The following GRIP1 variants were observed in gnomAD, a reference collection of about 807,000 sequenced individuals.
The protein encoded by GRIP1 is glutamate receptor-interacting protein 1.
GRIP1 carries 45 observed loss-of-function variants against 129.9 expected under a neutral mutation model. The ratio of observed to expected loss-of-function variants is 0.35; its 90% CI spans 0.27 to 0.44. GRIP1 has a LOEUF of 0.44. Ranked by LOEUF, GRIP1 falls within the 20% of genes least tolerant of loss-of-function variation. The pLI is 1.00. For missense variants in GRIP1, 1,196 were observed against 1,396.8 expected (o/e 0.86, Z 2.29); for synonymous variants, 530 against 520.8 (o/e 1.02, Z -0.24).
In GRIP1 at chr12:66,643,453, G is replaced by T. The variant is rs368894855; in HGVS notation, c.55+35397C>A. On this transcript the variant is annotated intron_variant, in intron 1 of 24. Coordinates refer to ENST00000359742, the MANE Select transcript of GRIP1 (RefSeq NM_001366722.1). ...ATGATAGTCACAAATATCAGTACAT[G>T]AATAAACAAGGTTATAGCATAGTGG... Among the ~76,000 whole-genome samples, 84 of 152,212 alleles carry T rather than the reference G, an allele frequency of 5.5e-4. 3 individuals carry two copies. The South Asian group carries it at 0.017, about 31-fold the overall frequency.
intron 4 of GRIP1, among the ~76,000 whole-genome samples, chr12:66,536,186 T>C (rs575603197): frequency 3.3e-5 from 5 of 152,312 alleles, no homozygotes; most frequent in Admixed American, 2.0e-4. Flanking sequence ...ATCTCTCACA[T>C]GGATCACTGT....
At chr12:66,991,816 T>G (rs1252645001) in intron 1 of GRIP1, among the ~76,000 whole-genome samples, 1 of 152,210 alleles carries the variant, frequency 6.6e-6, no homozygotes, top group Non-Finnish European at 1.5e-5. Context: ...ACCCTGGCAT[T>G]TGTCAAACTG....
rs192530099 is a variant in GRIP1, at chr12:66,758,550, T to C, written c.-420+45503A>G. 2.8e-3 allele frequency among the ~76,000 whole-genome samples: 424 copies of C among 152,274 alleles called. 1 individual carries two copies. The highest frequency in any genetic ancestry group is 9.7e-3 in the African/African-American group (405 of 41,552). ...GCTTTCCCAACAGTCCTCCAAAGTC[T>C]TAACTCATCTCAGCATTAACCCAAA... On this transcript the variant is annotated intron_variant, in intron 1 of 4. Transcript: ENST00000538373.
At chr12:66,747,430 A>C (rs1465731945) in intron 1 of GRIP1, among the ~76,000 whole-genome samples, 1 of 152,222 alleles carries the variant, frequency 6.6e-6, no homozygotes, top group African/African-American at 2.4e-5. Context: ...CTTGACAGAG[A>C]CTCAAAATGT....
intron 1 of GRIP1, among the ~76,000 whole-genome samples, chr12:66,698,903 T>C (rs2035255681): frequency 6.6e-6 from 1 of 152,190 alleles, no homozygotes; most frequent in African/African-American, 2.4e-5. Flanking sequence ...CATATTTTCA[T>C]AAGTGGGGAA....
intron 7 of GRIP1, among the ~76,000 whole-genome samples, chr12:66,515,011 C>T (rs528115153): frequency 2.6e-5 from 4 of 152,114 alleles, no homozygotes; most frequent in East Asian, 1.9e-4. Flanking sequence ...TTAAGATCCA[C>T]ATGAGAATAT....
chr12:66,759,647 G>C (rs891639174), intron 1 of GRIP1, among the ~76,000 whole-genome samples: 2 of 152,118 alleles, frequency 1.3e-5, no homozygotes, highest in Non-Finnish European at 2.9e-5. Flanking sequence ...CCTTTTGAAT[G>C]CTTTGCTGCT....
intron 7 of GRIP1, among the ~76,000 whole-genome samples, chr12:66,495,324 G>A (rs972246210): frequency 6.6e-6 from 1 of 152,208 alleles, no homozygotes; most frequent in African/African-American, 2.4e-5. Flanking sequence ...AGGGCGAGCA[G>A]GAGGGAGCCA....
chr12:67,054,780 C>CA lies in GRIP1; in HGVS notation c.58+14269dup, dbSNP rs2043407149. Among the ~76,000 whole-genome samples the CA allele has an allele frequency of 2.0e-5, 3 of 148,596 alleles. No individual in the cohort carries two copies. The South Asian group carries it at 6.4e-4, about 32-fold the overall frequency. ...CAGTATTGAAAAAAAAAAAAAAAGT[C>CA]AAACCCTATAGTACTCCAATATGTA... On this transcript the variant is annotated intron_variant, in intron 1 of 1. Transcript: ENST00000643019.
intron 1 of GRIP1, among the ~76,000 whole-genome samples, chr12:66,999,136 T>C (rs1257189184): frequency 3.3e-5 from 5 of 152,190 alleles, no homozygotes; most frequent in African/African-American, 1.2e-4. Flanking sequence ...TGAGGAGATC[T>C]GGTCTGTCTT....
chr12:66,697,950 C>T (rs2035221900), intron 1 of GRIP1, among the ~76,000 whole-genome samples: 1 of 152,048 alleles, frequency 6.6e-6, no homozygotes. Context: ...CGATCTGGAC[C>T]ATATATCTAG....
At chr12:66,941,850 C>G (rs1242252179) in intron 1 of GRIP1, among the ~76,000 whole-genome samples, 3 of 152,196 alleles carry the variant, frequency 2.0e-5, no homozygotes, top group Non-Finnish European at 4.4e-5. Context: ...GGATTGTTTA[C>G]AATCCATATC....
chr12:66,897,411 A>G (rs2040768045), intron 1 of GRIP1, among the ~76,000 whole-genome samples: 1 of 152,184 alleles, frequency 6.6e-6, no homozygotes, highest in Admixed American at 6.5e-5. Context: ...TAGCCTCTGA[A>G]AATACAGAAA....
chr12:66,917,902 T>G (rs1330229587), intron 1 of GRIP1, among the ~76,000 whole-genome samples: 3 of 151,636 alleles, frequency 2.0e-5, no homozygotes, highest in Non-Finnish European at 2.9e-5. Flanking sequence ...TGAGTCCTAG[T>G]GTATCAGAGT....
chr12:66,749,851 C>T (rs2037070324), intron 1 of GRIP1, among the ~76,000 whole-genome samples: 1 of 152,144 alleles, frequency 6.6e-6, no homozygotes, highest in Non-Finnish European at 1.5e-5. Context: ...GCCTGGCTCC[C>T]TGTTATGGTG....
At chr12:66,740,812 A>G (rs1276185879) in intron 1 of GRIP1, among the ~76,000 whole-genome samples, 1 of 146,242 alleles carries the variant, frequency 6.8e-6, no homozygotes, top group Non-Finnish European at 1.5e-5. Flanking sequence ...TTGGAGAGAT[A>G]AAAAAAAAAA....
At chr12:66,798,520 T>C (rs752898814) in intron 1 of GRIP1, among the ~76,000 whole-genome samples, 2 of 152,188 alleles carry the variant, frequency 1.3e-5, no homozygotes, top group Admixed American at 6.5e-5. Context: ...AATGAACATG[T>C]TCACATTGGA....
intron 1 of GRIP1, among the ~76,000 whole-genome samples, chr12:66,913,045 C>A (rs1344675068): frequency 6.6e-6 from 1 of 152,196 alleles, no homozygotes; most frequent in Non-Finnish European, 1.5e-5. Context: ...TGCCTACAAT[C>A]TTCACCTGGA....
At chr12:66,359,972 G>A (rs959736107) in intron 23 of GRIP1, among the ~76,000 whole-genome samples, 1 of 152,140 alleles carries the variant, frequency 6.6e-6, no homozygotes, top group Non-Finnish European at 1.5e-5. Context: ...CCCTGGAAAT[G>A]AATCTTTTAT....
Sources: gnomAD v4.1 joint callset for allele counts (sites outside exome capture counted in the v4.1 genomes callset) on GRCh38, gnomAD v4.1.1 for gene constraint, MANE v1.5 for transcripts, NCBI Gene and HGNC (gene_info 2026-07-23, HGNC 2026-07-21) for gene names.